INTS9: variants seen among roughly 807,000 people sequenced by gnomAD.
INTS9 encodes the protein integrator complex subunit 9, also known as protein related to CPSF subunits of 74 kDa.
A neutral mutation model predicts 79.7 loss-of-function variants in INTS9; 55 were observed. The observed-to-expected ratio is 0.69, with a 90% CI of 0.56 to 0.86. The LOEUF is 0.86. INTS9 is among the 40% of genes least tolerant of loss of function. The pLI, the probability that INTS9 is intolerant of heterozygous loss-of-function variation, is 0.00. For missense variants in INTS9, 721 were observed against 831.5 expected, an observed-to-expected ratio of 0.87 and a Z score of 1.64; for synonymous variants, 319 against 325.2, an observed-to-expected ratio of 0.98 and a Z score of 0.20.
chr8:28,856,815 C>T (rs559391533), intron 2 of INTS9, among the ~76,000 whole-genome samples: 2 of 152,282 alleles, frequency 1.3e-5, no homozygotes, highest in East Asian at 3.9e-4. Context: ...CTGATCCTGT[C>T]ACCCAGGTAG....
chr8:28,811,485 A>G (rs1380883023), intron 8 of INTS9, among the ~76,000 whole-genome samples: 2 of 150,786 alleles, frequency 1.3e-5, no homozygotes, highest in Non-Finnish European at 3.0e-5. Flanking sequence ...ACGGTGGCGC[A>G]ATCTCGGCTG....
chr8:28,792,337 G>C (rs182703096), intron 10 of INTS9, among the ~76,000 whole-genome samples: 1 of 152,058 alleles, frequency 6.6e-6, no homozygotes, highest in East Asian at 1.9e-4. Flanking sequence ...TGTAAAAAAA[G>C]AAAGAAAGAA....
chr8:28,771,909 G>A (rs1802564338), intron 14 of INTS9, among the ~76,000 whole-genome samples: 1 of 152,126 alleles, frequency 6.6e-6, no homozygotes, highest in African/African-American at 2.4e-5. Context: ...TGCCCAGGCT[G>A]GAGTGTGGTG....
At chr8:28,773,610 G>T (rs1434303292) in intron 14 of INTS9, among the ~76,000 whole-genome samples, 2 of 150,366 alleles carry the variant, frequency 1.3e-5, no homozygotes. Flanking sequence ...GGAGTGCAGT[G>T]GCGCGATTTT....
intron 1 of INTS9, chr8:28,862,001 C>T (rs1307187687): frequency 1.2e-6 from 1 of 858,928 alleles, no homozygotes; most frequent in African/African-American, 1.8e-5. Context: ...CCTCTGACTC[C>T]AAAGATCCCA....
At chr8:28,813,467 A>G in intron 7 of INTS9, 25 bp downstream of exon 7, 1 of 1,605,876 alleles carries the variant, frequency 6.2e-7, no homozygotes, top group Non-Finnish European at 8.5e-7. Flanking sequence ...TTCATGAATA[A>G]CTGAAATGTA....
At chr8:28,840,838 G>A (rs562514317) in intron 4 of INTS9, among the ~76,000 whole-genome samples, 9 of 150,690 alleles carry the variant, frequency 6.0e-5, no homozygotes, top group Non-Finnish European at 1.3e-4. Flanking sequence ...TATACCTAAT[G>A]CTAAATGACG....
intron 15 of INTS9, 35 bp downstream of exon 15, chr8:28,770,947 G>GA (rs769753813): frequency 2.0e-6 from 3 of 1,475,088 alleles, no homozygotes; most frequent in Non-Finnish European, 2.8e-6. Flanking sequence ...TTGCTGGGGA[G>GA]AGGGTCCCCT....
intron 14 of INTS9, among the ~76,000 whole-genome samples, chr8:28,771,474 G>A (rs1203362209): frequency 6.6e-6 from 1 of 152,164 alleles, no homozygotes; most frequent in African/African-American, 2.4e-5. Flanking sequence ...ACCTTATTAG[G>A]TGCTCTGTTG....
At chr8:28,798,854 A>C (rs1804359284) in intron 8 of INTS9, among the ~76,000 whole-genome samples, 1 of 152,208 alleles carries the variant, frequency 6.6e-6, no homozygotes, top group Non-Finnish European at 1.5e-5. Context: ...CCATGACCCC[A>C]AAAAGATGAA....
chr8:28,861,492 G>A (rs140710981), intron 1 of INTS9, among the ~76,000 whole-genome samples: 2 of 152,318 alleles, frequency 1.3e-5, no homozygotes, highest in Non-Finnish European at 2.9e-5. Flanking sequence ...TGAAATGTGT[G>A]TAACAGTTAT....
chr8:28,774,986 A>G (rs560437984), intron 14 of INTS9, among the ~76,000 whole-genome samples: 1 of 152,340 alleles, frequency 6.6e-6, no homozygotes, highest in South Asian at 2.1e-4. Flanking sequence ...AGACTTTGAT[A>G]GACCAAAACC....
At chr8:28,779,848 G>T (rs1229731195) in intron 12 of INTS9, among the ~76,000 whole-genome samples, 1 of 152,102 alleles carries the variant, frequency 6.6e-6, no homozygotes, top group Non-Finnish European at 1.5e-5. Context: ...AGTGCTTCTG[G>T]TGTAACTGGA....
intron 9 of INTS9, among the ~76,000 whole-genome samples, chr8:28,795,218 C>A (rs1804139398): frequency 6.6e-6 from 1 of 152,074 alleles, no homozygotes; most frequent in African/African-American, 2.4e-5. Context: ...ATGTGTGTGT[C>A]CCCCACAAGA....
intron 1 of INTS9, among the ~76,000 whole-genome samples, chr8:28,877,419 C>A (rs748056496): frequency 6.6e-6 from 1 of 152,046 alleles, no homozygotes; most frequent in Non-Finnish European, 1.5e-5. Context: ...CAAGTTTGAT[C>A]ATTACATTGT....
chr8:28,827,466 G>A (rs11991465), intron 6 of INTS9, among the ~76,000 whole-genome samples: 34,505 of 152,114 alleles, frequency 0.23, 4,567 homozygotes, highest in East Asian at 0.46. Flanking sequence ...GAATGAATAA[G>A]TGAATGAACA....
At chr8:28,821,416 C>A (rs1805820448) in intron 6 of INTS9, among the ~76,000 whole-genome samples, 1 of 152,224 alleles carries the variant, frequency 6.6e-6, no homozygotes, top group Non-Finnish European at 1.5e-5. Context: ...ACAGGAAAAA[C>A]TGGTCCCCAT....
intron 6 of INTS9, among the ~76,000 whole-genome samples, chr8:28,820,745 A>G (rs1227771923): frequency 6.6e-6 from 1 of 152,206 alleles, no homozygotes; most frequent in Non-Finnish European, 1.5e-5. Context: ...AATCTACTGA[A>G]GACTGAGTTT....
chr8:28,868,860 T>C (rs916330287), intron 1 of INTS9, among the ~76,000 whole-genome samples: 1 of 152,078 alleles, frequency 6.6e-6, no homozygotes, highest in African/African-American at 2.4e-5. Context: ...CCCAGCACTT[T>C]GGGAGGCCGA....
Sources: allele counts gnomAD v4.1 joint callset (sites outside exome capture counted in the v4.1 genomes callset), GRCh38; gene constraint gnomAD v4.1.1; transcripts MANE v1.5; gene names NCBI Gene and HGNC (gene_info 2026-07-23, HGNC 2026-07-21).